The following GPBP1 variants were observed in gnomAD, a reference collection of about 807,000 sequenced individuals.
The protein encoded by GPBP1 is vasculin.
GPBP1 carries 13 observed loss-of-function variants against 56.5 expected under a neutral mutation model. The observed-to-expected ratio is 0.23, with a 90% confidence interval of 0.15 to 0.37. The LOEUF is 0.37. Ranked by LOEUF, GPBP1 falls within the 10% of genes least tolerant of loss-of-function variation. GPBP1 has a pLI of 1.00. For missense variants in GPBP1, 477 were observed against 572.3 expected, an observed-to-expected ratio of 0.83 and a Z score of 1.70; for synonymous variants, 204 against 188.9, an observed-to-expected ratio of 1.08 and a Z score of -0.66.
intron 11 of GPBP1, 136 bp downstream of exon 11, chr5:57,261,418 A>G: frequency 1.7e-6 from 1 of 574,462 alleles, no homozygotes. Flanking sequence ...AAAAAAAAAG[A>G]GGGAGGACAG....
At chr5:57,200,242 C>T (rs754942157) in intron 2 of GPBP1, among the ~76,000 whole-genome samples, 15 of 148,094 alleles carry the variant, frequency 1.0e-4, no homozygotes, top group Non-Finnish European at 1.8e-4. Flanking sequence ...CAGGGAGAAA[C>T]GGTGATAAAT....
At chr5:57,236,967 A>T (rs1467668721) in intron 6 of GPBP1, 1 of 568,972 alleles carries the variant, frequency 1.8e-6, no homozygotes, top group African/African-American at 3.1e-5. Context: ...GAAACTCGGG[A>T]ATTATTTTGT....
intron 3 of GPBP1, among the ~76,000 whole-genome samples, chr5:57,225,178 G>A (rs569857720): frequency 1.6e-4 from 24 of 152,092 alleles, no homozygotes; most frequent in Middle Eastern, 3.4e-3. Context: ...GTATTATTTC[G>A]CCGGGCACGG....
At position 57,264,601 on chromosome 5, in the gene GPBP1, T is replaced by C. The variant is rs1271921395; in HGVS notation, c.*1849T>C. On this transcript the variant is annotated 3_prime_UTR_variant, in exon 12 of 12. Transcript: ENST00000506184. ...CCCATTTACCAGCAGTTAACTCATGTTTATTGTGCTTTCATGCATTGTGAT... is the reference window on the plus strand; with the variant it reads ...CCCATTTACCAGCAGTTAACTCATGCTTATTGTGCTTTCATGCATTGTGAT... The C allele has an allele frequency of 6.6e-6, 1 of 152,182 alleles. No homozygotes were observed. Among genetic ancestry groups the C allele is most frequent in the African/African-American group, 2.4e-5 (1 of 41,456 alleles). 9.4% of individuals were successfully genotyped at this position (152,182 alleles called of 1,614,324 possible).
chr5:57,246,229 C>G, intron 6 of GPBP1, 71 bp from the exon 7 acceptor site: 2 of 1,222,268 alleles, frequency 1.6e-6, no homozygotes, highest in African/African-American at 1.5e-5. Context: ...ATATACTGTT[C>G]TTTTGGTGGT....
intron 2 of GPBP1, among the ~76,000 whole-genome samples, chr5:57,189,913 C>G (rs1196965831): frequency 6.6e-6 from 1 of 152,174 alleles, no homozygotes; most frequent in Admixed American, 6.6e-5. Flanking sequence ...TCAAACCTAA[C>G]TTTCTCTGAG....
At chr5:57,238,419 G>A (rs1203146348) in intron 6 of GPBP1, among the ~76,000 whole-genome samples, 1 of 152,146 alleles carries the variant, frequency 6.6e-6, no homozygotes, top group African/African-American at 2.4e-5. Flanking sequence ...TTAGCCGGGT[G>A]TGGTGGCGCA....
At chr5:57,219,394 A>AC (rs1755836523) in intron 3 of GPBP1, among the ~76,000 whole-genome samples, 5 of 58,576 alleles carry the variant, frequency 8.5e-5, no homozygotes, top group Admixed American at 2.2e-4. Context: ...AAAAAAAAAA[A>AC]AAAAAAAAAC....
At chr5:57,257,468 A>G (rs957856551) in intron 10 of GPBP1, among the ~76,000 whole-genome samples, 7 of 152,218 alleles carry the variant, frequency 4.6e-5, no homozygotes, top group Admixed American at 3.3e-4. Flanking sequence ...TAGCCTCAAC[A>G]TCAAAGGGAT....
chr5:57,194,084 G>T (rs1324620955), intron 2 of GPBP1, among the ~76,000 whole-genome samples: 1 of 152,136 alleles, frequency 6.6e-6, no homozygotes, highest in African/African-American at 2.4e-5. Flanking sequence ...AATGAACTTA[G>T]AACATTATTC....
Position 57,247,065 on chromosome 5 carries a change from T to G in GPBP1, c.664-10T>G. ...TTGATAGCCATTAATGTTTGTGTGT[T>G]TTTCTTTAGCCTACACAATGGAAAA... is the stretch of plus-strand genomic sequence containing the variant. On this transcript the variant is annotated splice_polypyrimidine_tract_variant and intron_variant, in intron 7 of 11. Transcript: ENST00000506184. The G allele has an allele frequency of 6.2e-7, 1 of 1,600,176 alleles. No homozygotes were observed. Among genetic ancestry groups the G allele is most frequent in the Non-Finnish European group, 8.5e-7 (1 of 1,175,790 alleles).
intron 11 of GPBP1, among the ~76,000 whole-genome samples, chr5:57,261,701 G>A (rs933428994): frequency 6.6e-6 from 1 of 152,154 alleles, no homozygotes; most frequent in African/African-American, 2.4e-5. Context: ...AGGAGCAAGA[G>A]TGATAAGAAG....
chr5:57,243,221 C>T (rs555309117), intron 6 of GPBP1, among the ~76,000 whole-genome samples: 1 of 152,010 alleles, frequency 6.6e-6, no homozygotes, highest in East Asian at 1.9e-4. Context: ...CGCCTGCCAC[C>T]ATACCTGGCT....
chr5:57,205,958 G>A (rs1280587007), intron 2 of GPBP1, among the ~76,000 whole-genome samples: 1 of 151,876 alleles, frequency 6.6e-6, no homozygotes, highest in Non-Finnish European at 1.5e-5. Context: ...GTAGAGATAG[G>A]GACTCACTGT....
In GPBP1 at chr5:57,203,129, AAT is replaced by A. The variant is rs1755088077; in HGVS notation, c.-57-10942_-57-10941del. 2.0e-5 allele frequency among the ~76,000 whole-genome samples: 3 copies of A among 152,320 alleles called. No homozygotes were observed. The South Asian group carries it at 6.2e-4, about 32-fold the overall frequency. On this transcript the variant is annotated intron_variant, in intron 2 of 11. Transcript: ENST00000506184. Reference sequence around the variant, plus strand: ...ATTATATTTTGTGTGTTGTATCTTTAATATGTCTCAAAAATTGAGAATTAAAA... The same window carrying A: ...ATTATATTTTGTGTGTTGTATCTTTAATGTCTCAAAAATTGAGAATTAAAA...
Position 57,262,743 on chromosome 5 carries a change from C to T in GPBP1, c.1413C>T (p.Asp471=), listed in dbSNP as rs550098675. The T allele has an allele frequency of 3.5e-5, 56 of 1,612,630 alleles. No individual in the cohort carries two copies. In the East Asian group the frequency reaches 5.4e-4, roughly 15 times the overall value. ...GTAGCAGTGATACATCAGATGACGACGATGTGTGAAGGATTTCCTAACAGC... is the reference window on the plus strand; with the variant it reads ...GTAGCAGTGATACATCAGATGACGATGATGTGTGAAGGATTTCCTAACAGC... ...ETSSSDTSDD[D]DV Residue 471 remains aspartate, a synonymous_variant, in exon 12 of 12, where the codon GAC becomes GAT. Coordinates refer to ENST00000506184, the MANE Select transcript of GPBP1 (RefSeq NM_022913.4).
intron 2 of GPBP1, among the ~76,000 whole-genome samples, chr5:57,178,022 C>G (rs1170979898): frequency 1.3e-5 from 2 of 152,112 alleles, no homozygotes; most frequent in Admixed American, 6.6e-5. Flanking sequence ...TATGTGTTTT[C>G]TCTGTCAGAC....
chr5:57,236,274 T>C (rs1389812450), intron 6 of GPBP1, among the ~76,000 whole-genome samples: 1 of 152,204 alleles, frequency 6.6e-6, no homozygotes, highest in Non-Finnish European at 1.5e-5. Context: ...AACTTGAATA[T>C]GACTTAAATG....
At chr5:57,181,829 A>G (rs1754062943) in intron 2 of GPBP1, among the ~76,000 whole-genome samples, 1 of 151,562 alleles carries the variant, frequency 6.6e-6, no homozygotes, top group Non-Finnish European at 1.5e-5. Flanking sequence ...GAAAAACAAA[A>G]TGTTAGTGGT....
Sources: gnomAD v4.1 joint callset for allele counts (sites outside exome capture counted in the v4.1 genomes callset) on GRCh38, gnomAD v4.1.1 for gene constraint, MANE v1.5 for transcripts, NCBI Gene and HGNC (gene_info 2026-07-23, HGNC 2026-07-21) for gene names.